GAK: variants seen among roughly 807,000 people sequenced by gnomAD.
The protein encoded by GAK is cyclin-G-associated kinase.
GAK carries 79 observed loss-of-function variants against 143.9 expected under a neutral mutation model. The ratio of observed to expected loss-of-function variants is 0.55; its 90% CI spans 0.46 to 0.66. The LOEUF (loss-of-function observed/expected upper bound fraction) is 0.66, where lower values mean the gene tolerates loss of function less well. Ranked by LOEUF, GAK falls within the 30% of genes least tolerant of loss-of-function variation. The probability of loss-of-function intolerance (pLI) is 0.00; values close to 1 mark genes in which losing one functional copy is unlikely to be tolerated. For missense variants in GAK, 1,693 were observed against 1,779.7 expected, an observed-to-expected ratio of 0.95 and a Z score of 0.88; for synonymous variants, 881 against 765.5, an observed-to-expected ratio of 1.15 and a Z score of -2.49.
In GAK at chr4:885,188, C is replaced by T. The variant is rs149413409; in HGVS notation, c.1206-1102G>A. The stretch of plus-strand genomic sequence containing the variant: ...AGCAACAAGGGAAGACGGGGAGGCA[C>T]GGTGAGCCTGACGCTTGGCCACTTT... On this transcript the variant is annotated intron_variant, in intron 11 of 27. Coordinates refer to ENST00000314167, the MANE Select transcript of GAK (RefSeq NM_005255.4). Among the ~76,000 whole-genome samples, 100 of 152,292 alleles carry T rather than the reference C, an allele frequency of 6.6e-4. 2 individuals carry two copies. The South Asian group carries it at 0.019, about 28-fold the overall frequency.
In GAK at chr4:877,223, CA is replaced by C. The variant is rs1193346812; in HGVS notation, c.1857-17del. The C allele has an allele frequency of 1.3e-6, 2 of 1,579,044 alleles. No homozygotes were observed. The highest frequency in any genetic ancestry group is 1.7e-6 in the Non-Finnish European group (2 of 1,149,932). The stretch of plus-strand genomic sequence containing the variant: ...CTTAAAGTCCCTAAGGACAGAATGA[CA>C]AGAGAAAAATTTTAAAAACCCCCAA... On this transcript the variant is annotated splice_polypyrimidine_tract_variant and intron_variant, in intron 16 of 27. Coordinates refer to ENST00000314167, the MANE Select transcript of GAK (RefSeq NM_005255.4).
rs534511733 is a variant in GAK at position 922,625 on chromosome 4, G to C, written c.146-8957C>G. On this transcript the variant is annotated intron_variant, in intron 1 of 27. Transcript: ENST00000314167. The stretch of plus-strand genomic sequence containing the variant: ...GGCCTTCAAGCCTCCAGAACTGCGA[G>C]AGTGAATTTCTACTGCTCCCCACTC... Among the ~76,000 whole-genome samples, 29 of 152,052 alleles carry C rather than the reference G, an allele frequency of 1.9e-4. No homozygotes were observed. In the Middle Eastern group the frequency reaches 0.017, roughly 90 times the overall value.
At chr4:862,181 T>G (rs1462501039) in intron 23 of GAK, among the ~76,000 whole-genome samples, 1 of 150,022 alleles carries the variant, frequency 6.7e-6, no homozygotes, top group Non-Finnish European at 1.5e-5. Context: ...CATGCAGATA[T>G]GAGACGGCCT....
intron 1 of GAK, among the ~76,000 whole-genome samples, chr4:927,964 G>A (rs1460346469): frequency 1.3e-5 from 2 of 152,238 alleles, no homozygotes; most frequent in Non-Finnish European, 2.9e-5. Context: ...ACATGGCCAA[G>A]AGAACAGCAC....
At chr4:924,228 A>G (rs558191477) in intron 1 of GAK, among the ~76,000 whole-genome samples, 31 of 151,664 alleles carry the variant, frequency 2.0e-4, no homozygotes, top group African/African-American at 6.8e-4. Context: ...GGAAATTCCA[A>G]TGAAATCACA....
At chr4:877,237 T>A (rs3736088) in intron 16 of GAK, 30 bp from the exon 17 acceptor site, 66,792 of 1,493,290 alleles carry the variant, frequency 0.045, 1,789 homozygotes, top group East Asian at 0.12. Context: ...AGAAAAATTT[T>A]AAAAACCCCC....
intron 11 of GAK, among the ~76,000 whole-genome samples, chr4:885,481 C>T (rs187760562): frequency 1.4e-4 from 21 of 152,320 alleles, no homozygotes; most frequent in South Asian, 6.2e-4. Flanking sequence ...GCATTGAGTG[C>T]CACAGGATCC....
At position 851,793 on chromosome 4, in the gene GAK, C is replaced by T; in HGVS notation, c.3465G>A (p.Val1155=). 1 of 1,612,758 alleles carries T rather than the reference C, an allele frequency of 6.2e-7. No homozygotes were observed. The highest frequency in any genetic ancestry group is 2.2e-5 in the East Asian group (1 of 44,882). Reference sequence around the variant, plus strand: ...CCCCCCGCTCCTCCCGCGCCCCGATCACACTGAAGTTCGAGGCATAGTTAG... The same window carrying T: ...CCCCCCGCTCCTCCCGCGCCCCGATTACACTGAAGTTCGAGGCATAGTTAG... ...PRPNYASNFS[V]IGAREERGVR... Residue 1155 remains valine (V), a synonymous_variant, in exon 25 of 28, where the codon GTG becomes GTA. Coordinates refer to ENST00000314167, the MANE Select transcript of GAK (RefSeq NM_005255.4).
intron 24 of GAK, among the ~76,000 whole-genome samples, chr4:856,683 G>C (rs1396614045): frequency 6.7e-6 from 1 of 149,254 alleles, no homozygotes; most frequent in Non-Finnish European, 1.5e-5. Flanking sequence ...GCTCACACCT[G>C]CTCACCACAG....
rs573637166 is a variant in GAK at position 924,314 on chromosome 4, A to AAGT, written c.145+7726_145+7728dup. ...GAGACCACAAGAAATGCTGGTGAGG[A>AAGT]AGTGGAGAGCCAGGAACTCTCCACT... On this transcript the variant is annotated intron_variant, in intron 1 of 27. Coordinates refer to ENST00000314167, the MANE Select transcript of GAK (RefSeq NM_005255.4). Among the ~76,000 whole-genome samples the AAGT allele has an allele frequency of 2.1e-3, 327 of 152,318 alleles. 17 individuals are homozygous for AAGT. In the South Asian group the frequency reaches 0.059, roughly 28 times the overall value.
chr4:854,767 T>A (rs570656675), intron 24 of GAK, among the ~76,000 whole-genome samples: 3 of 152,144 alleles, frequency 2.0e-5, no homozygotes, highest in Non-Finnish European at 2.9e-5. Flanking sequence ...CAGGCATGGC[T>A]GGGTGCGGTG....
chr4:884,987 C>T (rs769643696), intron 11 of GAK, among the ~76,000 whole-genome samples: 11 of 151,914 alleles, frequency 7.2e-5, no homozygotes, highest in South Asian at 2.1e-4. Context: ...CGTCTAAACC[C>T]GCAGAGCAGG....
intron 26 of GAK, chr4:850,455 T>C: frequency 4.8e-6 from 1 of 210,486 alleles, no homozygotes; most frequent in Non-Finnish European, 9.5e-6. Context: ...CCTGCAGAGC[T>C]GGGCATCGGC....
chr4:886,546 G>T, intron 11 of GAK: 1 of 152,454 alleles, frequency 6.6e-6, no homozygotes. Flanking sequence ...TGCGGCCATG[G>T]AGACCATTTT....
chr4:855,905 A>C (rs960591174), intron 24 of GAK, among the ~76,000 whole-genome samples: 2 of 152,220 alleles, frequency 1.3e-5, no homozygotes, highest in African/African-American at 4.8e-5. Flanking sequence ...CAGTGAGCCA[A>C]GATTATGCCA....
At chr4:879,077 T>C (rs1714569770) in intron 15 of GAK, among the ~76,000 whole-genome samples, 1 of 152,168 alleles carries the variant, frequency 6.6e-6, no homozygotes, top group Non-Finnish European at 1.5e-5. Context: ...GGCCAACACC[T>C]TGAACGGAGG....
At chr4:912,430 C>T in intron 3 of GAK, 1 of 394,828 alleles carries the variant, frequency 2.5e-6, no homozygotes, top group Non-Finnish European at 4.8e-6. Context: ...GGGGGCCGGG[C>T]CGGGCAAGGG....
At chr4:852,264 G>C in intron 24 of GAK, 1 of 472,280 alleles carries the variant, frequency 2.1e-6, no homozygotes, top group Admixed American at 3.7e-5. Context: ...GGCAGACCCA[G>C]GGCTTGTCCA....
chr4:904,977 C>G (rs981023933), intron 4 of GAK, among the ~76,000 whole-genome samples, 198 bp from the exon 5 acceptor site: 1 of 152,218 alleles, frequency 6.6e-6, no homozygotes, highest in Non-Finnish European at 1.5e-5. Context: ...GACTGCAGAT[C>G]TCCTCTTCGT....
Sources: allele counts gnomAD v4.1 joint callset (sites outside exome capture counted in the v4.1 genomes callset), GRCh38; gene constraint gnomAD v4.1.1; transcripts MANE v1.5; gene names NCBI Gene and HGNC (gene_info 2026-07-23, HGNC 2026-07-21).